Variants in SDK1 observed in about 807,000 individuals in gnomAD.
SDK1 encodes the protein sidekick cell adhesion molecule 1, also known as protein sidekick-1.
Under a neutral mutation model 245.5 loss-of-function variants are expected in SDK1, and 157 were observed. The observed-to-expected ratio is 0.64, with a 90% CI of 0.56 to 0.73. The LOEUF (loss-of-function observed/expected upper bound fraction) is 0.73, where lower values mean the gene tolerates loss of function less well. Ranked by LOEUF, SDK1 falls within the 30% of genes least tolerant of loss-of-function variation. SDK1 has a pLI of 0.00. For synonymous variants in SDK1, 1,647 were observed against 1,278.5 expected, an observed-to-expected ratio of 1.29 and a Z score of -6.15; for missense variants, 3,583 against 3,002.3, an observed-to-expected ratio of 1.19 and a Z score of -4.52.
chr7:3,965,212 AT>A (rs1781997830), intron 9 of SDK1, among the ~76,000 whole-genome samples: 1 of 152,150 alleles, frequency 6.6e-6, no homozygotes, highest in Admixed American at 6.5e-5. Context: ...TGCAGGCTGA[AT>A]TTGGCCCCCA....
chr7:3,469,860 T>G (rs1215579922), intron 1 of SDK1, among the ~76,000 whole-genome samples: 1 of 152,150 alleles, frequency 6.6e-6, no homozygotes, highest in Non-Finnish European at 1.5e-5. Context: ...TCAGATCAGG[T>G]AGGTAAAGTG....
At chr7:3,472,694 C>A (rs1781221384) in intron 1 of SDK1, among the ~76,000 whole-genome samples, 1 of 152,176 alleles carries the variant, frequency 6.6e-6, no homozygotes, top group African/African-American at 2.4e-5. Flanking sequence ...ATGAAACTTT[C>A]AAAATTTAGA....
At position 4,245,812 on chromosome 7, in the gene SDK1, G is replaced by A. The variant is rs1289193688; in HGVS notation, c.6381+7G>A. 1 of 1,613,708 alleles carries A rather than the reference G, an allele frequency of 6.2e-7. No individual in the cohort carries two copies. Among genetic ancestry groups the A allele is most frequent in the Non-Finnish European group, 8.5e-7 (1 of 1,179,858 alleles). On this transcript the variant is annotated splice_region_variant and intron_variant, in intron 44 of 44. Transcript: ENST00000404826. ...AGATGCATCAGAATCTGAGGTCAGTGTCGGTGCCTACTTCCGGGCAGTGAC... is the reference window on the plus strand; with the variant it reads ...AGATGCATCAGAATCTGAGGTCAGTATCGGTGCCTACTTCCGGGCAGTGAC...
Position 3,656,817 on chromosome 7 carries a change from G to A in SDK1, c.713+14712G>A, listed in dbSNP as rs901381771. On this transcript the variant is annotated intron_variant, in intron 4 of 44. Transcript: ENST00000404826. Reference sequence around the variant, plus strand: ...CTGCGGACTGCAGTGGCGCAATCTCGGCTCACTGCAAGCTCCGCCTCCCGG... The same window carrying A: ...CTGCGGACTGCAGTGGCGCAATCTCAGCTCACTGCAAGCTCCGCCTCCCGG... 6.7e-5 allele frequency among the ~76,000 whole-genome samples: 10 copies of A among 150,270 alleles called. No individual in the cohort carries two copies. In the South Asian group the frequency reaches 2.1e-3, roughly 32 times the overall value.
intron 1 of SDK1, among the ~76,000 whole-genome samples, chr7:3,396,875 T>A (rs1370507202): frequency 6.6e-6 from 1 of 151,662 alleles, no homozygotes; most frequent in Non-Finnish European, 1.5e-5. Context: ...ATTATTAAGA[T>A]TTAAGTATAC....
intron 4 of SDK1, among the ~76,000 whole-genome samples, chr7:3,681,265 A>G (rs1482781068): frequency 3.9e-5 from 6 of 152,154 alleles, no homozygotes; most frequent in Non-Finnish European, 1.5e-5. Context: ...ACTTCTTTGA[A>G]CATAGTTTTT....
chr7:3,712,543 A>T (rs1421699367), intron 4 of SDK1, among the ~76,000 whole-genome samples: 2 of 152,318 alleles, frequency 1.3e-5, no homozygotes, highest in Middle Eastern at 3.4e-3. Context: ...TGGTCTGTGG[A>T]TAAATTGTTT....
intron 3 of SDK1, 97 bp downstream of exon 3, chr7:3,639,207 TTA>T: frequency 3.3e-6 from 2 of 613,718 alleles, no homozygotes; most frequent in Non-Finnish European, 2.8e-6. Flanking sequence ...AACTGAGAGT[TTA>T]TCTTTGGTTC....
At chr7:3,475,102 T>C (rs756066937) in intron 1 of SDK1, among the ~76,000 whole-genome samples, 1 of 152,186 alleles carries the variant, frequency 6.6e-6, no homozygotes, top group African/African-American at 2.4e-5. Context: ...AATCATGATA[T>C]CCTCTTGCTT....
intron 1 of SDK1, among the ~76,000 whole-genome samples, chr7:3,578,722 T>G (rs1363998757): frequency 6.6e-6 from 1 of 151,938 alleles, no homozygotes; most frequent in African/African-American, 2.4e-5. Flanking sequence ...ATAGGCTCTC[T>G]GCAGGAAGAC....
chr7:3,807,534 G>T (rs150573253), intron 4 of SDK1, among the ~76,000 whole-genome samples: 16 of 152,162 alleles, frequency 1.1e-4, no homozygotes, highest in African/African-American at 3.9e-4. Flanking sequence ...TATCTGATTG[G>T]AGACCTATAG....
chr7:3,322,892 G>A (rs969740602), intron 1 of SDK1, among the ~76,000 whole-genome samples: 18 of 152,020 alleles, frequency 1.2e-4, no homozygotes, highest in Admixed American at 1.3e-4. Context: ...TCACTACAGC[G>A]TCTACCTCCC....
chr7:4,052,296 C>G (rs1583955309), intron 19 of SDK1, among the ~76,000 whole-genome samples: 2 of 150,966 alleles, frequency 1.3e-5, no homozygotes, highest in South Asian at 2.1e-4. Flanking sequence ...GCCACTCCTT[C>G]TCTGCTCACA....
chr7:3,595,418 A>T (rs1381197795), intron 1 of SDK1, among the ~76,000 whole-genome samples: 1 of 152,124 alleles, frequency 6.6e-6, no homozygotes, highest in Non-Finnish European at 1.5e-5. Flanking sequence ...AATAACAGTT[A>T]TCTGGACTTT....
intron 1 of SDK1, among the ~76,000 whole-genome samples, chr7:3,470,229 A>C (rs1293930771): frequency 6.6e-6 from 1 of 152,086 alleles, no homozygotes; most frequent in East Asian, 1.9e-4. Context: ...CCTCCTTTAA[A>C]CAAATATGCA....
At chr7:3,901,347 C>T (rs951432802) in intron 5 of SDK1, among the ~76,000 whole-genome samples, 11 of 152,012 alleles carry the variant, frequency 7.2e-5, no homozygotes, top group Admixed American at 6.6e-4. Flanking sequence ...CCACCACGCC[C>T]GGTTAATTTT....
intron 32 of SDK1, among the ~76,000 whole-genome samples, chr7:4,163,835 T>G (rs1380940970): frequency 6.6e-6 from 1 of 152,214 alleles, no homozygotes; most frequent in African/African-American, 2.4e-5. Flanking sequence ...TCTTGCTGTA[T>G]GATCCTATGA....
chr7:4,232,042 CTTT>C lies in SDK1; in HGVS notation c.5828-1194_5828-1192del, dbSNP rs58243380. On this transcript the variant is annotated intron_variant, in intron 40 of 44. Coordinates refer to ENST00000404826, the MANE Select transcript of SDK1 (RefSeq NM_152744.4). ...ATGAACATTTTGGCCTCTGAGCCTA[CTTT>C]TTTTTTTTTTTTTTTTTTAACCAAA... Among the ~76,000 whole-genome samples the C allele has an allele frequency of 1.3e-3, 176 of 131,796 alleles. 2 individuals are homozygous for C. Among genetic ancestry groups the C allele is most frequent in the Admixed American group, 8.4e-3 (110 of 13,066 alleles). 86.5% of individuals were successfully genotyped at this position (131,796 alleles called of 152,430 possible).
intron 1 of SDK1, among the ~76,000 whole-genome samples, chr7:3,551,188 G>T (rs986988241): frequency 6.6e-6 from 1 of 152,088 alleles, no homozygotes; most frequent in African/African-American, 2.4e-5. Flanking sequence ...CACCGGGGGT[G>T]GGGGGCCCAA....
Sources: allele counts gnomAD v4.1 joint callset (sites outside exome capture counted in the v4.1 genomes callset), GRCh38; gene constraint gnomAD v4.1.1; transcripts MANE v1.5; gene names NCBI Gene and HGNC (gene_info 2026-07-23, HGNC 2026-07-21).